Variants in ULK4 observed in about 807,000 individuals in gnomAD.
ULK4 encodes unc-51 like kinase 4, also known as inactive serine/threonine-protein kinase ULK4.
Under a neutral mutation model 160.6 loss-of-function variants are expected in ULK4, and 133 were observed. The ratio of observed to expected loss-of-function variants is 0.83; its 90% CI spans 0.72 to 0.96. The LOEUF (loss-of-function observed/expected upper bound fraction) is 0.96. Among genes scored for constraint, ULK4 ranks in the 40% least tolerant of loss-of-function variants. ULK4 has a pLI of 0.00. For missense variants in ULK4, 1,580 were observed against 1,499.5 expected, an observed-to-expected ratio of 1.05 and a Z score of -0.89; for synonymous variants, 534 against 539.8, an observed-to-expected ratio of 0.99 and a Z score of 0.15.
At chr3:41,338,212 G>A (rs1037282622) in intron 35 of ULK4, among the ~76,000 whole-genome samples, 1 of 152,172 alleles carries the variant, frequency 6.6e-6, no homozygotes, top group African/African-American at 2.4e-5. Context: ...AGAGTACCTG[G>A]CAGCTGGAAT....
At chr3:41,771,837 C>A (rs1049580964) in intron 21 of ULK4, among the ~76,000 whole-genome samples, 1 of 152,104 alleles carries the variant, frequency 6.6e-6, no homozygotes, top group African/African-American at 2.4e-5. Flanking sequence ...TTCAAACATA[C>A]AATAGAGTGA....
chr3:41,372,978 G>A (rs945202848), intron 35 of ULK4, among the ~76,000 whole-genome samples: 3 of 152,066 alleles, frequency 2.0e-5, no homozygotes, highest in Non-Finnish European at 4.4e-5. Flanking sequence ...AACAAAAGCA[G>A]GGGTTGCAAT....
At chr3:41,429,759 G>A (rs571555246) in intron 34 of ULK4, among the ~76,000 whole-genome samples, 1 of 151,810 alleles carries the variant, frequency 6.6e-6, no homozygotes, top group Non-Finnish European at 1.5e-5. Flanking sequence ...AGCATGGGGG[G>A]AGGGAGAGCA....
intron 22 of ULK4, among the ~76,000 whole-genome samples, chr3:41,722,465 C>T (rs936604674): frequency 1.3e-5 from 2 of 151,928 alleles, no homozygotes; most frequent in Admixed American, 6.6e-5. Flanking sequence ...CCCGTCTCCA[C>T]CAAAAAAATA....
intron 31 of ULK4, among the ~76,000 whole-genome samples, chr3:41,579,422 C>G (rs994451850): frequency 6.6e-6 from 1 of 151,644 alleles, no homozygotes; most frequent in East Asian, 1.9e-4. Flanking sequence ...GCCAGTTCCA[C>G]AGATGCTAGC....
At chr3:41,766,024 A>T (rs1267619450) in intron 21 of ULK4, among the ~76,000 whole-genome samples, 1 of 151,920 alleles carries the variant, frequency 6.6e-6, no homozygotes, top group Non-Finnish European at 1.5e-5. Flanking sequence ...TAATCCCAGC[A>T]CTTTGGGAGG....
At chr3:41,405,538 G>C (rs891621404) in intron 34 of ULK4, among the ~76,000 whole-genome samples, 5 of 152,064 alleles carry the variant, frequency 3.3e-5, no homozygotes, top group African/African-American at 1.2e-4. Flanking sequence ...TTTAAGTTGA[G>C]AATTCTCCAA....
chr3:41,652,142 A>G (rs1041733564), intron 30 of ULK4, among the ~76,000 whole-genome samples: 11 of 152,338 alleles, frequency 7.2e-5, no homozygotes, highest in African/African-American at 2.6e-4. Flanking sequence ...TGTTTACTGA[A>G]TTATCATGAA....
intron 30 of ULK4, among the ~76,000 whole-genome samples, chr3:41,650,950 C>T (rs1179941811): frequency 6.6e-6 from 1 of 152,118 alleles, no homozygotes; most frequent in African/African-American, 2.4e-5. Flanking sequence ...AAATGAAAAA[C>T]CTCCTTTGAC....
At chr3:41,782,154 G>T (rs555153270) in intron 21 of ULK4, among the ~76,000 whole-genome samples, 3 of 134,940 alleles carry the variant, frequency 2.2e-5, no homozygotes, top group Non-Finnish European at 4.7e-5. Flanking sequence ...TAGCGATTCT[G>T]AATTTTTTTT....
At chr3:41,747,409 A>G (rs1031250270) in intron 22 of ULK4, among the ~76,000 whole-genome samples, 70 of 151,988 alleles carry the variant, frequency 4.6e-4, no homozygotes, top group African/African-American at 1.6e-3. Context: ...CCCAGCCTCA[A>G]TTTGTTCATT....
chr3:41,742,411 C>T (rs988333475), intron 22 of ULK4, among the ~76,000 whole-genome samples: 1 of 151,816 alleles, frequency 6.6e-6, no homozygotes, highest in African/African-American at 2.4e-5. Context: ...TCTTCCATTC[C>T]CAACCAGCAG....
chr3:41,522,471 C>A (rs1017860514), intron 32 of ULK4, among the ~76,000 whole-genome samples: 11 of 152,024 alleles, frequency 7.2e-5, no homozygotes, highest in Admixed American at 2.0e-4. Flanking sequence ...ATTAAAAAAA[C>A]ACCTTTTCTG....
chr3:41,621,438 C>A (rs1198301838), intron 30 of ULK4, among the ~76,000 whole-genome samples: 1 of 152,124 alleles, frequency 6.6e-6, no homozygotes, highest in Admixed American at 6.6e-5. Context: ...TGGAACAGAA[C>A]AGAGACCTCA....
intron 31 of ULK4, among the ~76,000 whole-genome samples, chr3:41,578,865 A>T (rs1339269937): frequency 6.6e-6 from 1 of 152,232 alleles, no homozygotes; most frequent in Non-Finnish European, 1.5e-5. Context: ...GCCAGTCTCA[A>T]TTTCCAAAGT....
intron 30 of ULK4, among the ~76,000 whole-genome samples, chr3:41,620,455 G>T (rs1291823953): frequency 1.3e-5 from 2 of 152,164 alleles, no homozygotes; most frequent in Non-Finnish European, 2.9e-5. Context: ...TGCAAGGCTG[G>T]TTCAACATAC....
At chr3:41,481,806 G>A (rs1229149283) in intron 32 of ULK4, among the ~76,000 whole-genome samples, 4 of 123,688 alleles carry the variant, frequency 3.2e-5, no homozygotes, top group Admixed American at 9.9e-5. Context: ...CAGCCTGGGC[G>A]ACAGAGCGAG....
chr3:41,775,474 C>T (rs2039577128), intron 21 of ULK4, among the ~76,000 whole-genome samples: 1 of 149,230 alleles, frequency 6.7e-6, no homozygotes, highest in Non-Finnish European at 1.5e-5. Flanking sequence ...TCTGGGCTCA[C>T]TGCAACCTCC....
At chr3:41,394,565 T>C (rs997585532) in intron 35 of ULK4, among the ~76,000 whole-genome samples, 4 of 152,162 alleles carry the variant, frequency 2.6e-5, no homozygotes, top group African/African-American at 9.7e-5. Context: ...ACGTAATTTA[T>C]TGAAGATCAT....
Sources: allele counts gnomAD v4.1 joint callset (sites outside exome capture counted in the v4.1 genomes callset), GRCh38; gene constraint gnomAD v4.1.1; transcripts MANE v1.5; gene names NCBI Gene and HGNC (gene_info 2026-07-23, HGNC 2026-07-21).